CUX1: variants seen among roughly 807,000 people sequenced by gnomAD.
CUX1 encodes the protein cut like homeobox 1, also known as protein CASP.
A neutral mutation model predicts 158.8 loss-of-function variants in CUX1; 31 were observed. That is an observed-to-expected ratio of 0.20 (90% CI 0.15 to 0.26). The LOEUF is 0.26. Ranked by LOEUF, CUX1 falls within the 10% of genes least tolerant of loss-of-function variation. CUX1 has a pLI of 1.00. For synonymous variants in CUX1, 879 were observed against 862.1 expected, an observed-to-expected ratio of 1.02 and a Z score of -0.34; for missense variants, 1,589 against 2,014.6, an observed-to-expected ratio of 0.79 and a Z score of 4.04.
chr7:102,040,117 A>G (rs1585379430), intron 3 of CUX1, among the ~76,000 whole-genome samples: 1 of 152,182 alleles, frequency 6.6e-6, no homozygotes, highest in Admixed American at 6.6e-5. Flanking sequence ...AATACAGTCA[A>G]CTAGGATCCT....
chr7:102,095,260 C>T (rs1049585549), intron 4 of CUX1, among the ~76,000 whole-genome samples: 19 of 152,208 alleles, frequency 1.2e-4, no homozygotes, highest in African/African-American at 4.1e-4. Context: ...TCCGGCCACC[C>T]TCGGCCTCCC....
At chr7:101,918,081 CA>C (rs1247456170) in intron 2 of CUX1, among the ~76,000 whole-genome samples, 1 of 152,328 alleles carries the variant, frequency 6.6e-6, no homozygotes, top group East Asian at 1.9e-4. Flanking sequence ...AGGCCACGGA[CA>C]ATAAATACAC....
intron 2 of CUX1, among the ~76,000 whole-genome samples, chr7:101,967,483 A>T (rs1172384406): frequency 6.6e-6 from 1 of 152,214 alleles, no homozygotes; most frequent in Non-Finnish European, 1.5e-5. Flanking sequence ...AGAAGCCTTT[A>T]AAAGCTTCTT....
intron 22 of CUX1, chr7:102,282,839 C>A (rs1453550198): frequency 1.6e-4 from 196 of 1,223,256 alleles, no homozygotes; most frequent in Middle Eastern, 8.5e-4. Context: ...CCCCGCAACA[C>A]CCCCGAGTTC....
At position 102,249,486 on chromosome 7, in the gene CUX1, T is replaced by G. The variant is rs1481323159; in HGVS notation, c.*444T>G. 1.9e-5 allele frequency: 19 copies of G among 985,868 alleles called. No individual in the cohort carries two copies. The highest frequency in any genetic ancestry group is 1.8e-5 in the Non-Finnish European group (15 of 829,974). The allele number at this position is 985,868 out of a possible 1,614,324, so 61.1% of individuals were successfully genotyped here. A position where few individuals can be genotyped will look rare whatever the true frequency, so the allele number is the denominator to read the frequency against. The stretch of plus-strand genomic sequence containing the variant: ...GAGCTTTTTTGTACCCTGAAGTGTT[T>G]TTTTTATTGCCCTAAGTGATTTCCA... On this transcript the variant is annotated 3_prime_UTR_variant, in exon 24 of 24. Transcript: ENST00000292535.
In CUX1 at chr7:102,133,722, G is replaced by A. The variant is rs533514556; in HGVS notation, c.674+18449G>A. Among the ~76,000 whole-genome samples, 43 of 152,036 alleles carry A rather than the reference G, an allele frequency of 2.8e-4. 1 individual carries two copies. Among genetic ancestry groups the A allele is most frequent in the African/African-American group, 8.9e-4 (37 of 41,500 alleles). ...GAACTCCTGACCTCGTGATCCACCC[G>A]CCTCCGCCTCCCAAAGTGCTGGGAC... On this transcript the variant is annotated intron_variant, in intron 8 of 23. Coordinates refer to ENST00000292535, the MANE Select transcript of CUX1 (RefSeq NM_181552.4).
In CUX1 at chr7:102,250,308, G is replaced by A. The variant is rs1219770208; in HGVS notation, c.*1266G>A. On this transcript the variant is annotated 3_prime_UTR_variant, in exon 24 of 24. Coordinates refer to ENST00000292535, the MANE Select transcript of CUX1 (RefSeq NM_181552.4). ...AGCACAGCAGGCAGTTCCAGGGCCA[G>A]ACGGGCCCATCCCCAAGTAGATAGC... 18 of 985,344 alleles carry A rather than the reference G, an allele frequency of 1.8e-5. No individual in the cohort carries two copies. Among genetic ancestry groups the A allele is most frequent in the South Asian group, 4.7e-5 (1 of 21,290 alleles). The allele number at this position is 985,344 out of a possible 1,614,324, so 61.0% of individuals were successfully genotyped here. A position where few individuals can be genotyped will look rare whatever the true frequency, so the allele number is the denominator to read the frequency against.
intron 8 of CUX1, among the ~76,000 whole-genome samples, chr7:102,136,052 G>A (rs1311256078): frequency 4.6e-5 from 7 of 151,944 alleles, no homozygotes; most frequent in African/African-American, 1.7e-4. Context: ...TAATGTGTCT[G>A]AAGTTTATTA....
intron 20 of CUX1, among the ~76,000 whole-genome samples, chr7:102,220,491 G>A (rs1214976996): frequency 2.0e-5 from 3 of 152,230 alleles, no homozygotes; most frequent in African/African-American, 7.2e-5. Flanking sequence ...GAGCAGGTCT[G>A]GTGCCCACAT....
In CUX1 at chr7:102,196,977, A is replaced by C. The variant is rs1212610456; in HGVS notation, c.1566A>C (p.Pro522=). The C allele has an allele frequency of 1.9e-6, 3 of 1,614,246 alleles. No individual in the cohort carries two copies. ...YSTNSISSQS[P]LQQSPDVNGM... is the part of the protein sequence containing the mutation. The stretch of plus-strand genomic sequence containing the variant: ...CAAACTCCATATCTTCCCAAAGTCC[A>C]TTACAACAAAGCCCAGATGTCAATG... The change falls in exon 15 of 24, where the codon CCA becomes CCC. Residue 522 remains proline (P), a synonymous_variant. Coordinates refer to ENST00000292535, the MANE Select transcript of CUX1 (RefSeq NM_181552.4).
chr7:102,039,346 G>C (rs1235626551), intron 3 of CUX1, among the ~76,000 whole-genome samples: 3 of 152,146 alleles, frequency 2.0e-5, no homozygotes, highest in African/African-American at 7.2e-5. Context: ...CTTGAGCGGG[G>C]AGGAAGCAGT....
chr7:101,936,073 A>C (rs954363973), intron 2 of CUX1, among the ~76,000 whole-genome samples: 1 of 152,190 alleles, frequency 6.6e-6, no homozygotes, highest in Non-Finnish European at 1.5e-5. Flanking sequence ...AGCAGTGAGC[A>C]GAAGGCCAAG....
intron 2 of CUX1, among the ~76,000 whole-genome samples, chr7:102,011,789 G>A (rs1050139869): frequency 6.6e-6 from 1 of 152,140 alleles, no homozygotes; most frequent in South Asian, 2.1e-4. Context: ...CGGCAGCAGG[G>A]TGAGAGGATT....
intron 2 of CUX1, among the ~76,000 whole-genome samples, chr7:101,918,201 G>C (rs1247518330): frequency 6.6e-6 from 1 of 152,138 alleles, no homozygotes; most frequent in Non-Finnish European, 1.5e-5. Flanking sequence ...TCCCCCTTCG[G>C]TCACCCTGTC....
At chr7:102,055,317 T>G (rs1421019201) in intron 3 of CUX1, among the ~76,000 whole-genome samples, 1 of 152,204 alleles carries the variant, frequency 6.6e-6, no homozygotes, top group Admixed American at 6.5e-5. Context: ...TTTTTTATGC[T>G]TTGAAGATAG....
intron 8 of CUX1, among the ~76,000 whole-genome samples, chr7:102,135,041 C>T (rs1554498358): frequency 6.6e-6 from 1 of 151,994 alleles, no homozygotes; most frequent in Non-Finnish European, 1.5e-5. Flanking sequence ...CTTTTCTTTT[C>T]ACTCGAGTTT....
intron 20 of CUX1, among the ~76,000 whole-genome samples, chr7:102,206,284 C>T (rs1795938128): frequency 6.6e-6 from 1 of 152,172 alleles, no homozygotes; most frequent in African/African-American, 2.4e-5. Flanking sequence ...GGCTGCATCT[C>T]ACCCGCGCCG....
rs912718742 is a variant in CUX1, at chr7:101,916,556, G to C, written c.141+331G>C. The C allele has an allele frequency of 3.8e-5, 10 of 266,506 alleles. No individual in the cohort carries two copies. The highest frequency in any genetic ancestry group is 7.7e-5 in the Non-Finnish European group (10 of 130,156). 16.5% of individuals were successfully genotyped at this position (266,506 alleles called of 1,614,324 possible). On this transcript the variant is annotated intron_variant, in intron 2 of 23. Transcript: ENST00000292535. The surrounding 1 kb of genome is among the most constrained non-coding windows in gnomAD (Gnocchi z 4.4). ...GAGCTCATCCCAGACCCTGTCCCATGTCAGTTAGCAAGCCACCAAAGTCCA... is the reference window on the plus strand; with the variant it reads ...GAGCTCATCCCAGACCCTGTCCCATCTCAGTTAGCAAGCCACCAAAGTCCA...
At chr7:101,965,077 A>G (rs1348386202) in intron 2 of CUX1, among the ~76,000 whole-genome samples, 1 of 152,212 alleles carries the variant, frequency 6.6e-6, no homozygotes, top group African/African-American at 2.4e-5. Context: ...ACTTCTTGCC[A>G]GACAGAAAAG....
Sources: gnomAD v4.1 joint callset for allele counts (sites outside exome capture counted in the v4.1 genomes callset) on GRCh38, gnomAD v4.1.1 for gene constraint, Gnocchi (gnomAD v3.1) non-coding constraint, MANE v1.5 for transcripts, NCBI Gene and HGNC (gene_info 2026-07-23, HGNC 2026-07-21) for gene names.